Variants in PDE4D observed in about 807,000 individuals in gnomAD.
PDE4D encodes phosphodiesterase 4D.
Under a neutral mutation model 87.4 loss-of-function variants are expected in PDE4D, and 24 were observed. That is an observed-to-expected ratio of 0.27 (90% CI 0.20 to 0.39). The LOEUF (loss-of-function observed/expected upper bound fraction) is 0.39, where lower values mean the gene tolerates loss of function less well. Ranked by LOEUF, PDE4D falls within the 10% of genes least tolerant of loss-of-function variation. PDE4D has a pLI of 1.00. For missense variants in PDE4D, 714 were observed against 1,041.0 expected, an observed-to-expected ratio of 0.69 and a Z score of 4.32; for synonymous variants, 384 against 383.2, an observed-to-expected ratio of 1.00 and a Z score of -0.02.
intron 1 of PDE4D, among the ~76,000 whole-genome samples, chr5:60,289,368 G>T (rs977892356): frequency 6.6e-6 from 1 of 152,078 alleles, no homozygotes; most frequent in Admixed American, 6.6e-5. Context: ...GCCCTAACTG[G>T]TAAAAAGTTC....
chr5:59,318,451 T>C (rs1326151678), intron 1 of PDE4D, among the ~76,000 whole-genome samples: 1 of 152,148 alleles, frequency 6.6e-6, no homozygotes, highest in Admixed American at 6.6e-5. Flanking sequence ...TACAATCTCC[T>C]TGATTTTTAA....
intron 1 of PDE4D, among the ~76,000 whole-genome samples, chr5:59,562,564 G>T (rs2153692231): frequency 6.6e-6 from 1 of 152,244 alleles, no homozygotes; most frequent in South Asian, 2.1e-4. Context: ...AAACCACTGG[G>T]ATAAAAATCA....
intron 1 of PDE4D, among the ~76,000 whole-genome samples, chr5:60,401,967 C>G (rs1741131625): frequency 6.6e-6 from 1 of 152,044 alleles, no homozygotes; most frequent in African/African-American, 2.4e-5. Context: ...AATGTGAATA[C>G]CCAAAAATGG....
At chr5:59,850,738 T>C (rs1429621633) in intron 1 of PDE4D, among the ~76,000 whole-genome samples, 1 of 151,904 alleles carries the variant, frequency 6.6e-6, no homozygotes, top group Non-Finnish European at 1.5e-5. Context: ...AAGGAGGCTA[T>C]TTGAAGCGTT....
chr5:59,126,107 A>AG (rs772547749), intron 5 of PDE4D, among the ~76,000 whole-genome samples: 7 of 148,170 alleles, frequency 4.7e-5, no homozygotes, highest in South Asian at 2.1e-4. Flanking sequence ...AAAAAAAAAA[A>AG]AGAGAGAGAG....
rs925858799 is a variant in PDE4D, at chr5:60,374,889, G to A, written c.-90+113053C>T. 4.6e-5 allele frequency among the ~76,000 whole-genome samples: 7 copies of A among 152,006 alleles called. No homozygotes were observed. The South Asian group carries it at 6.2e-4, about 13-fold the overall frequency. On this transcript the variant is annotated intron_variant, in intron 1 of 16. Transcript: ENST00000502484. ...TGCACATATACATATATATGTATAC[G>A]TATATTTTTTTTCTTTATAACCTTT...
chr5:59,741,476 T>C (rs1210744979), intron 1 of PDE4D, among the ~76,000 whole-genome samples: 7 of 152,174 alleles, frequency 4.6e-5, no homozygotes, highest in African/African-American at 1.7e-4. Flanking sequence ...TGACCATAAT[T>C]GTACTATTGA....
chr5:60,269,326 C>A (rs988789954), intron 1 of PDE4D, among the ~76,000 whole-genome samples: 4 of 152,168 alleles, frequency 2.6e-5, no homozygotes, highest in African/African-American at 7.2e-5. Flanking sequence ...CAAAAAACAA[C>A]ATAAATGTTT....
At chr5:60,366,017 C>G (rs529042940) in intron 1 of PDE4D, among the ~76,000 whole-genome samples, 38 of 147,850 alleles carry the variant, frequency 2.6e-4, no homozygotes, top group African/African-American at 9.3e-4. Context: ...ATGCTCCAGC[C>G]TGGGTGACAG....
chr5:60,249,033 T>C (rs552744547), intron 1 of PDE4D, among the ~76,000 whole-genome samples: 1 of 152,108 alleles, frequency 6.6e-6, no homozygotes, highest in South Asian at 2.1e-4. Context: ...AACTTGTGGG[T>C]AGGCTGGGCC....
intron 1 of PDE4D, among the ~76,000 whole-genome samples, chr5:59,613,209 T>C (rs751957871): frequency 6.6e-6 from 1 of 152,062 alleles, no homozygotes; most frequent in Non-Finnish European, 1.5e-5. Flanking sequence ...GATTTGCTGA[T>C]TGGATTGGAA....
At chr5:59,691,606 A>T (rs1750939355) in intron 1 of PDE4D, among the ~76,000 whole-genome samples, 1 of 151,662 alleles carries the variant, frequency 6.6e-6, no homozygotes, top group African/African-American at 2.4e-5. Context: ...GCATTAGTAG[A>T]TATACGTAAT....
chr5:59,652,380 T>C (rs1354710230), intron 1 of PDE4D, among the ~76,000 whole-genome samples: 2 of 152,238 alleles, frequency 1.3e-5, no homozygotes, highest in Admixed American at 1.3e-4. Context: ...ATTCCCCTTA[T>C]GTACATCTAT....
chr5:59,172,672 C>T (rs1783202272), intron 5 of PDE4D: 1 of 151,704 alleles, frequency 6.6e-6, no homozygotes, highest in African/African-American at 2.4e-5. Flanking sequence ...CGTACCACTT[C>T]ACTCCAGCCT....
chr5:59,975,419 G>T (rs1188427041), intron 3 of PDE4D, among the ~76,000 whole-genome samples: 1 of 152,152 alleles, frequency 6.6e-6, no homozygotes, highest in Non-Finnish European at 1.5e-5. Context: ...TGTTTGCTCA[G>T]TTATTCTAAT....
chr5:59,982,439 A>G (rs1249991105), intron 3 of PDE4D, among the ~76,000 whole-genome samples: 1 of 152,168 alleles, frequency 6.6e-6, no homozygotes, highest in Non-Finnish European at 1.5e-5. Flanking sequence ...TGAACTGGGA[A>G]TGATTTCCAC....
rs1253880911 is a variant in PDE4D at position 59,200,317 on chromosome 5, G to A, written c.648-6781C>T. Among the ~76,000 whole-genome samples, 4 of 118,766 alleles carry A rather than the reference G, an allele frequency of 3.4e-5. No individual in the cohort carries two copies. In the South Asian group the frequency reaches 8.1e-4, roughly 24 times the overall value. 77.9% of individuals were successfully genotyped at this position (118,766 alleles called of 152,430 possible). ...TACATATGTGTATGTACAGCTACAC[G>A]TATACATACACGTGTATGTACAGCT... On this transcript the variant is annotated intron_variant, in intron 2 of 14. Coordinates refer to ENST00000340635, the MANE Select transcript of PDE4D (RefSeq NM_001104631.2).
rs552095630 is a variant in PDE4D at position 59,630,945 on chromosome 5, A to T, written c.455+262223T>A. Reference sequence around the variant, plus strand: ...TTTTTTTTCCCTAGAAAATGTAGCTAACAATTTCTATGTCTCATATTTGTG... The same window carrying T: ...TTTTTTTTCCCTAGAAAATGTAGCTTACAATTTCTATGTCTCATATTTGTG... On this transcript the variant is annotated intron_variant, in intron 1 of 14. Transcript: ENST00000340635. Among the ~76,000 whole-genome samples the T allele has an allele frequency of 2.0e-5, 3 of 152,252 alleles. No homozygotes were observed. In the South Asian group the frequency reaches 6.2e-4, roughly 32 times the overall value.
intron 1 of PDE4D, among the ~76,000 whole-genome samples, chr5:60,454,657 G>T (rs1291460195): frequency 6.6e-6 from 1 of 152,224 alleles, no homozygotes; most frequent in East Asian, 1.9e-4. Flanking sequence ...GGGAGGCAGT[G>T]AGGGGAAGGA....
Sources: allele counts gnomAD v4.1 joint callset (sites outside exome capture counted in the v4.1 genomes callset), GRCh38; gene constraint gnomAD v4.1.1; transcripts MANE v1.5; gene names NCBI Gene and HGNC (gene_info 2026-07-23, HGNC 2026-07-21).